TOX: variants seen among roughly 807,000 people sequenced by gnomAD.
The protein encoded by TOX is thymocyte selection associated high mobility group box.
TOX carries 11 observed loss-of-function variants against 53.7 expected under a neutral mutation model. That is an observed-to-expected ratio of 0.20 (90% CI 0.13 to 0.34). The LOEUF is 0.34. Among genes scored for constraint, TOX ranks in the 10% least tolerant of loss-of-function variants. TOX has a pLI of 1.00. For missense variants in TOX, 570 were observed against 664.6 expected, an observed-to-expected ratio of 0.86 and a Z score of 1.56; for synonymous variants, 225 against 245.3, an observed-to-expected ratio of 0.92 and a Z score of 0.77.
chr8:58,953,596 A>T (rs570245048), intron 2 of TOX, among the ~76,000 whole-genome samples: 1 of 152,332 alleles, frequency 6.6e-6, no homozygotes, highest in East Asian at 1.9e-4. Context: ...GGGACTGCAC[A>T]GAGTAATCAT....
intron 5 of TOX, among the ~76,000 whole-genome samples, chr8:58,827,595 C>T (rs1810386868): frequency 6.6e-6 from 1 of 152,150 alleles, no homozygotes; most frequent in Admixed American, 6.5e-5. Flanking sequence ...GTGGACACCT[C>T]ATTTTGAAAA....
intron 1 of TOX, among the ~76,000 whole-genome samples, chr8:59,011,581 C>T (rs201809889): frequency 6.6e-6 from 1 of 151,810 alleles, no homozygotes; most frequent in Non-Finnish European, 1.5e-5. Context: ...ATCTTTTTTT[C>T]AAATTAGGCT....
chr8:59,021,070 C>G (rs1013342702), intron 1 of TOX, among the ~76,000 whole-genome samples: 1 of 137,654 alleles, frequency 7.3e-6, no homozygotes, highest in African/African-American at 2.8e-5. Flanking sequence ...GATCATGCCA[C>G]TGCACTCCAG....
rs1810819502 is a variant in TOX at position 58,851,418 on chromosome 8, C to T, written c.693+106G>A. ...TGCTTCATTAACAAAGCAGGTGTCT[C>T]CCTCCAATGTTTCTCGCATGGATGA... On this transcript the variant is annotated intron_variant, in intron 4 of 8. Coordinates refer to ENST00000361421, the MANE Select transcript of TOX (RefSeq NM_014729.3). This position sits in a 1 kb window ranked among gnomAD's most constrained non-coding sequence, Gnocchi z 4.4. 1 of 1,289,904 alleles carries T rather than the reference C, an allele frequency of 7.8e-7. No individual in the cohort carries two copies. The highest frequency in any genetic ancestry group is 1.5e-5 in the African/African-American group (1 of 67,804). 79.9% of individuals were successfully genotyped at this position (1,289,904 alleles called of 1,614,324 possible).
In TOX at chr8:59,117,958, G is replaced by A. The variant is rs911284231; in HGVS notation, c.102+928C>T. Among the ~76,000 whole-genome samples, 4 of 152,224 alleles carry A rather than the reference G, an allele frequency of 2.6e-5. No individual in the cohort carries two copies. Among genetic ancestry groups the A allele is most frequent in the African/African-American group, 9.6e-5 (4 of 41,460 alleles). ...CCTGCGTGTCCTCCCTCTCTGGGAT[G>A]AGAGAGTTCGAGAAGCCGGGAGAGT... On this transcript the variant is annotated intron_variant, in intron 1 of 8. Transcript: ENST00000361421. This position sits in a 1 kb window ranked among gnomAD's most constrained non-coding sequence, Gnocchi z 4.6.
rs571063446 is a variant in TOX at position 59,001,105 on chromosome 8, G to A, written c.103-41097C>T. Among the ~76,000 whole-genome samples the A allele has an allele frequency of 5.9e-5, 9 of 152,264 alleles. 1 individual carries two copies. In the East Asian group the frequency reaches 1.7e-3, roughly 29 times the overall value. On this transcript the variant is annotated intron_variant, in intron 1 of 8. Transcript: ENST00000361421. Reference sequence around the variant, plus strand: ...CTCTGTAATAGTCTCTCAAGCAGAAGTAAGTCTGCGAAATACCTACAAGAA... The same window carrying A: ...CTCTGTAATAGTCTCTCAAGCAGAAATAAGTCTGCGAAATACCTACAAGAA...
chr8:58,821,554 T>C (rs1810276573), intron 6 of TOX, among the ~76,000 whole-genome samples: 1 of 152,142 alleles, frequency 6.6e-6, no homozygotes, highest in South Asian at 2.1e-4. Flanking sequence ...CAGAGCTAAT[T>C]CATCTGGTTT....
intron 1 of TOX, among the ~76,000 whole-genome samples, chr8:59,089,768 T>C (rs1033194035): frequency 6.6e-6 from 1 of 152,182 alleles, no homozygotes; most frequent in Non-Finnish European, 1.5e-5. Context: ...TTTTAATTTG[T>C]AGAGATGATC....
chr8:58,953,933 T>G (rs6988253), intron 2 of TOX, among the ~76,000 whole-genome samples: 2 of 151,898 alleles, frequency 1.3e-5, no homozygotes, highest in Admixed American at 1.3e-4. Flanking sequence ...TACTCTAACC[T>G]GGAGAATTTT....
intron 3 of TOX, among the ~76,000 whole-genome samples, chr8:58,852,354 A>T (rs1015130366): frequency 6.6e-6 from 1 of 152,198 alleles, no homozygotes; most frequent in African/African-American, 2.4e-5. Flanking sequence ...TGATCTCCTA[A>T]CTACCAGACT....
In TOX at chr8:58,826,813, G is replaced by A. The variant is rs1477431148; in HGVS notation, c.1005+9C>T. 6.2e-7 allele frequency: 1 copy of A among 1,600,494 alleles called. No homozygotes were observed. Among genetic ancestry groups the A allele is most frequent in the Non-Finnish European group, 8.5e-7 (1 of 1,174,392 alleles). ...CAATCCTTCACAATATCACACAACT[G>A]CACGTTACCTTGGATACAAGGCTGG... On this transcript the variant is annotated intron_variant, in intron 6 of 8. Coordinates refer to ENST00000361421, the MANE Select transcript of TOX (RefSeq NM_014729.3).
At chr8:58,838,576 C>A (rs1375381622) in intron 4 of TOX, among the ~76,000 whole-genome samples, 1 of 151,994 alleles carries the variant, frequency 6.6e-6, no homozygotes, top group Non-Finnish European at 1.5e-5. Flanking sequence ...CTATTAAATA[C>A]AACCCCTTAA....
intron 5 of TOX, among the ~76,000 whole-genome samples, chr8:58,831,435 T>C (rs929002286): frequency 6.6e-6 from 1 of 152,192 alleles, no homozygotes; most frequent in Non-Finnish European, 1.5e-5. Flanking sequence ...ACTCTATATA[T>C]TACCTCTAAT....
At chr8:58,929,831 C>T (rs1812231025) in intron 3 of TOX, among the ~76,000 whole-genome samples, 1 of 152,136 alleles carries the variant, frequency 6.6e-6, no homozygotes, top group Non-Finnish European at 1.5e-5. Flanking sequence ...ACTGCTACTT[C>T]TGCCCCAAGA....
intron 3 of TOX, among the ~76,000 whole-genome samples, chr8:58,898,886 A>G (rs1185217217): frequency 2.6e-5 from 4 of 152,122 alleles, no homozygotes; most frequent in Non-Finnish European, 5.9e-5. Context: ...CATCTATTAA[A>G]CGGAGGTGTT....
chr8:59,074,929 G>A (rs994752973), intron 1 of TOX, among the ~76,000 whole-genome samples: 2 of 152,180 alleles, frequency 1.3e-5, no homozygotes, highest in Non-Finnish European at 2.9e-5. Context: ...TGTCACTAAG[G>A]AAGAGCAGAC....
intron 2 of TOX, among the ~76,000 whole-genome samples, chr8:58,948,161 G>A (rs1812555922): frequency 6.6e-6 from 1 of 152,212 alleles, no homozygotes; most frequent in African/African-American, 2.4e-5. Flanking sequence ...GGGGGACCCT[G>A]AGGTCAGGGT....
intron 1 of TOX, among the ~76,000 whole-genome samples, chr8:58,975,051 G>A (rs1001596894): frequency 6.6e-6 from 1 of 151,104 alleles, no homozygotes; most frequent in African/African-American, 2.4e-5. Context: ...TAGCAGGCAG[G>A]AATTATAAAT....
At chr8:58,869,327 A>G (rs1346626868) in intron 3 of TOX, among the ~76,000 whole-genome samples, 2 of 152,182 alleles carry the variant, frequency 1.3e-5, no homozygotes, top group African/African-American at 4.8e-5. Context: ...TTAAAATTCA[A>G]CAACTACTAA....
Sources: gnomAD v4.1 joint callset for allele counts (sites outside exome capture counted in the v4.1 genomes callset) on GRCh38, gnomAD v4.1.1 for gene constraint, Gnocchi (gnomAD v3.1) non-coding constraint, MANE v1.5 for transcripts, NCBI Gene and HGNC (gene_info 2026-07-23, HGNC 2026-07-21) for gene names.